SGCD: variants seen among roughly 807,000 people sequenced by gnomAD.
SGCD encodes sarcoglycan delta.
Under a neutral mutation model 36.6 loss-of-function variants are expected in SGCD, and 18 were observed. That is an observed-to-expected ratio of 0.49 (90% confidence interval 0.34 to 0.73). The LOEUF (loss-of-function observed/expected upper bound fraction) is 0.73. Among genes scored for constraint, SGCD ranks in the 30% least tolerant of loss-of-function variants. The pLI is 0.01. For synonymous variants in SGCD, 133 were observed against 130.6 expected, an observed-to-expected ratio of 1.02 and a Z score of -0.12; for missense variants, 387 against 346.7, an observed-to-expected ratio of 1.12 and a Z score of -0.92.
At chr5:156,000,846 T>G (rs1278222287) in intron 1 of SGCD, among the ~76,000 whole-genome samples, 1 of 151,936 alleles carries the variant, frequency 6.6e-6, no homozygotes, top group East Asian at 1.9e-4. Flanking sequence ...CAGTTTTTAT[T>G]TTATGTCTGG....
intron 3 of SGCD, among the ~76,000 whole-genome samples, chr5:156,389,924 C>A (rs1339774476): frequency 6.9e-6 from 1 of 143,992 alleles, no homozygotes; most frequent in Non-Finnish European, 1.5e-5. Context: ...ACACACAGAG[C>A]CTTATGCCAC....
At chr5:156,148,736 TC>T (rs1363475911) in intron 3 of SGCD, among the ~76,000 whole-genome samples, 1 of 152,128 alleles carries the variant, frequency 6.6e-6, no homozygotes, top group Non-Finnish European at 1.5e-5. Flanking sequence ...CAAGGTTTTT[TC>T]TAGTGCTTAT....
chr5:155,915,077 G>T (rs867264715), intron 1 of SGCD, among the ~76,000 whole-genome samples: 3 of 152,110 alleles, frequency 2.0e-5, no homozygotes, highest in Non-Finnish European at 4.4e-5. Context: ...TGCAATCCCT[G>T]CTCTTAAATA....
At chr5:155,994,785 T>C (rs13176599) in intron 1 of SGCD, among the ~76,000 whole-genome samples, 44,369 of 152,080 alleles carry the variant, frequency 0.29, 6,518 homozygotes, top group South Asian at 0.37. Context: ...GATAGAGTTG[T>C]CAAGCTGAAG....
intron 3 of SGCD, among the ~76,000 whole-genome samples, chr5:156,499,220 C>G (rs186725965): frequency 6.6e-6 from 1 of 152,088 alleles, no homozygotes; most frequent in African/African-American, 2.4e-5. Flanking sequence ...TTAATGAATA[C>G]AGTGCAGACC....
chr5:155,826,892 T>C, the SGCD span, among the ~76,000 whole-genome samples: 1 of 152,196 alleles, frequency 6.6e-6, no homozygotes. Context: ...CTGCAGGATC[T>C]TCAGGTCAGG....
chr5:155,768,482 A>G, the SGCD span, among the ~76,000 whole-genome samples: 1 of 152,118 alleles, frequency 6.6e-6, no homozygotes, highest in African/African-American at 2.4e-5. Context: ...AAATGCGTAA[A>G]TAAGTCAATT....
chr5:155,790,546 T>C, the SGCD span, among the ~76,000 whole-genome samples: 1 of 152,070 alleles, frequency 6.6e-6, no homozygotes, highest in Admixed American at 6.6e-5. Flanking sequence ...TACCATATTT[T>C]AGTAAAAATA....
chr5:156,608,033 C>G (rs569662113), intron 6 of SGCD, among the ~76,000 whole-genome samples: 44 of 152,232 alleles, frequency 2.9e-4, no homozygotes, highest in African/African-American at 1.0e-3. Context: ...TTTTTGGTGT[C>G]TCTATTTCCT....
intron 6 of SGCD, among the ~76,000 whole-genome samples, chr5:156,599,239 G>A (rs1397590649): frequency 1.3e-5 from 2 of 152,138 alleles, no homozygotes; most frequent in Non-Finnish European, 2.9e-5. Context: ...TAAACTCTTG[G>A]GAGGTTTGAA....
intron 3 of SGCD, among the ~76,000 whole-genome samples, chr5:156,191,649 T>C (rs1055911495): frequency 7.2e-5 from 11 of 152,306 alleles, no homozygotes; most frequent in African/African-American, 2.6e-4. Flanking sequence ...GTCGTGTCTC[T>C]TTTGTTTCTG....
intron 3 of SGCD, among the ~76,000 whole-genome samples, chr5:156,381,716 A>G (rs914923614): frequency 4.6e-5 from 7 of 152,172 alleles, no homozygotes; most frequent in African/African-American, 1.7e-4. Context: ...GCTGAAAGTG[A>G]TCTTTAAAGG....
At chr5:156,517,578 T>G (rs1456428063) in intron 4 of SGCD, among the ~76,000 whole-genome samples, 1 of 152,012 alleles carries the variant, frequency 6.6e-6, no homozygotes, top group Admixed American at 6.6e-5. Context: ...AAAAAATGTT[T>G]AGGGCAACCT....
chr5:156,288,093 A>G (rs1766660187), intron 3 of SGCD, among the ~76,000 whole-genome samples: 1 of 152,188 alleles, frequency 6.6e-6, no homozygotes, highest in African/African-American at 2.4e-5. Flanking sequence ...GAGACTTATC[A>G]TGTTCTTCAG....
intron 3 of SGCD, among the ~76,000 whole-genome samples, chr5:156,373,729 CTT>C (rs1441976327): frequency 6.6e-6 from 1 of 152,206 alleles, no homozygotes; most frequent in Non-Finnish European, 1.5e-5. Context: ...TACCACCTAA[CTT>C]AAGATATTTT....
In SGCD at chr5:156,025,147, C is replaced by T. The variant is rs113962777; in HGVS notation, c.-281-92731C>T. Reference sequence around the variant, plus strand: ...AGGACTTTCCAGAGCAACTGGTTTCCGTGTGGTGATTTAGTGATCCTCATC... The same window carrying T: ...AGGACTTTCCAGAGCAACTGGTTTCTGTGTGGTGATTTAGTGATCCTCATC... On this transcript the variant is annotated intron_variant, in intron 1 of 9. Coordinates refer to the SGCD transcript ENST00000517913. Among the ~76,000 whole-genome samples, 19 of 152,160 alleles carry T rather than the reference C, an allele frequency of 1.2e-4. 3 individuals are homozygous for T. The highest frequency in any genetic ancestry group is 4.3e-4 in the African/African-American group (18 of 41,502).
rs192555324 is a variant in SGCD at position 156,171,264 on chromosome 5, T to C, written c.-44+47245T>C. Reference sequence around the variant, plus strand: ...AGAACTAATAGCATTTTAATTTCAATCACTGAGGACTTGGTTAACGCAAGC... The same window carrying C: ...AGAACTAATAGCATTTTAATTTCAACCACTGAGGACTTGGTTAACGCAAGC... On this transcript the variant is annotated intron_variant, in intron 3 of 9. Transcript: ENST00000517913. 1.7e-3 allele frequency among the ~76,000 whole-genome samples: 263 copies of C among 152,328 alleles called. 2 individuals carry two copies. Among genetic ancestry groups the C allele is most frequent in the African/African-American group, 6.0e-3 (250 of 41,572 alleles).
At chr5:156,181,309 G>A (rs951228195) in intron 3 of SGCD, among the ~76,000 whole-genome samples, 1 of 152,152 alleles carries the variant, frequency 6.6e-6, no homozygotes, top group Non-Finnish European at 1.5e-5. Flanking sequence ...TACTGAGAGT[G>A]ATTAAGGAAG....
Position 156,490,832 on chromosome 5 carries a change from C to T in SGCD, c.193-17769C>T, listed in dbSNP as rs576886461. Among the ~76,000 whole-genome samples, 128 of 152,138 alleles carry T rather than the reference C, an allele frequency of 8.4e-4. 1 individual carries two copies. The highest frequency in any genetic ancestry group is 3.0e-3 in the African/African-American group (125 of 41,536). On this transcript the variant is annotated intron_variant, in intron 3 of 8. Coordinates refer to ENST00000337851, the MANE Select transcript of SGCD (RefSeq NM_000337.6). The stretch of plus-strand genomic sequence containing the variant: ...GCCCACTTTCACTGCTCTTATTCAA[C>T]ATAGTACTAGAAGTTCTAGCAAGCG...
Sources: allele counts gnomAD v4.1 joint callset (sites outside exome capture counted in the v4.1 genomes callset), GRCh38; gene constraint gnomAD v4.1.1; transcripts MANE v1.5; gene names NCBI Gene and HGNC (gene_info 2026-07-23, HGNC 2026-07-21).